The following WDR25 variants were observed in gnomAD, a reference collection of about 807,000 sequenced individuals.
WDR25 encodes the protein WD repeat-containing protein 25.
In WDR25, 35 loss-of-function variants were observed where a neutral mutation model predicts 47.7. The observed-to-expected ratio is 0.73, with a 90% confidence interval of 0.56 to 0.97. WDR25 has a LOEUF of 0.97. Ranked by LOEUF, WDR25 falls within the 50% of genes least tolerant of loss-of-function variation. WDR25 has a pLI of 0.00. For missense variants in WDR25, 634 were observed against 704.7 expected, an observed-to-expected ratio of 0.90 and a Z score of 1.14; for synonymous variants, 248 against 278.9, an observed-to-expected ratio of 0.89 and a Z score of 1.10.
chr14:100,417,478 A>G (rs1897901361), intron 2 of WDR25, among the ~76,000 whole-genome samples: 2 of 152,108 alleles, frequency 1.3e-5, no homozygotes, highest in South Asian at 2.1e-4. Context: ...AACCCCCACC[A>G]TCCTGTTAAG....
At position 100,381,570 on chromosome 14, in the gene WDR25, G is replaced by A; in HGVS notation, c.646G>A (p.Gly216Arg). 6 of 1,609,812 alleles carry A rather than the reference G, an allele frequency of 3.7e-6. No individual in the cohort carries two copies. Among genetic ancestry groups the A allele is most frequent in the Non-Finnish European group, 5.1e-6 (6 of 1,177,062 alleles). ...RAPAPLYVGP[G>R]VSEFIQPYLN... is the part of the protein sequence containing the mutation. Reference sequence around the variant, plus strand: ...CCCAGCCCCTCTCTACGTGGGCCCGGGAGTGTCTGAGTTTATTCAGCCATA... The same window carrying A: ...CCCAGCCCCTCTCTACGTGGGCCCGAGAGTGTCTGAGTTTATTCAGCCATA... Residue 216 changes from glycine to arginine, a missense_variant, in exon 2 of 7, where the codon GGA (glycine) becomes AGA (arginine). Coordinates refer to ENST00000402312, the MANE Select transcript of WDR25 (RefSeq NM_001161476.3).
At chr14:100,526,085 C>T (rs776266797) in intron 5 of WDR25, 45 bp downstream of exon 5, 56 of 1,604,324 alleles carry the variant, frequency 3.5e-5, no homozygotes, top group Non-Finnish European at 4.3e-5. Flanking sequence ...AGCCACAGAG[C>T]GTATCCATGT....
chr14:100,389,536 G>T (rs1897092780), intron 2 of WDR25, among the ~76,000 whole-genome samples: 2 of 152,166 alleles, frequency 1.3e-5, no homozygotes, highest in Non-Finnish European at 2.9e-5. Context: ...AGCAAGCCGG[G>T]GGACAGAAGC....
intron 2 of WDR25, among the ~76,000 whole-genome samples, chr14:100,414,913 A>G (rs1897827900): frequency 6.6e-6 from 1 of 151,852 alleles, no homozygotes; most frequent in African/African-American, 2.4e-5. Context: ...CAAAAAAAAA[A>G]AAAAGAAGAA....
At chr14:100,505,388 C>T (rs910625898) in intron 4 of WDR25, among the ~76,000 whole-genome samples, 3 of 152,166 alleles carry the variant, frequency 2.0e-5, no homozygotes, top group African/African-American at 7.2e-5. Flanking sequence ...GGTGGAAAAT[C>T]AATTTGCCAC....
chr14:100,394,258 G>A (rs1301625353), intron 2 of WDR25, among the ~76,000 whole-genome samples: 1 of 152,170 alleles, frequency 6.6e-6, no homozygotes, highest in African/African-American at 2.4e-5. Context: ...GGTCCCTCTA[G>A]GTGTGGCTTC....
Position 100,424,739 on chromosome 14 carries a change from C to T in WDR25, c.822+42993C>T, listed in dbSNP as rs1033875681. Among the ~76,000 whole-genome samples the T allele has an allele frequency of 2.0e-5, 3 of 152,178 alleles. No homozygotes were observed. The highest frequency in any genetic ancestry group is 4.4e-5 in the Non-Finnish European group (3 of 68,036). On this transcript the variant is annotated intron_variant, in intron 2 of 6. Coordinates refer to ENST00000402312, the MANE Select transcript of WDR25 (RefSeq NM_001161476.3). This position sits in a 1 kb window ranked among gnomAD's most constrained non-coding sequence, Gnocchi z 4.2. ...GGTGGTTAGGCTGATCTCAGGGTTC[C>T]TTTCAGCAGCAGTGGCAGCCGTGAC...
chr14:100,413,018 C>T (rs138321173), intron 2 of WDR25, among the ~76,000 whole-genome samples: 62 of 152,100 alleles, frequency 4.1e-4, no homozygotes, highest in African/African-American at 1.3e-3. Flanking sequence ...TTGGTAGAGA[C>T]GGAGTTTCAC....
At chr14:100,450,472 A>T (rs1898991614) in intron 2 of WDR25, among the ~76,000 whole-genome samples, 1 of 152,200 alleles carries the variant, frequency 6.6e-6, no homozygotes, top group Non-Finnish European at 1.5e-5. Context: ...CTAGACTCTC[A>T]TGAGCTATTT....
At chr14:100,517,133 T>TG (rs56288421) in intron 4 of WDR25, among the ~76,000 whole-genome samples, 1 of 147,946 alleles carries the variant, frequency 6.8e-6, no homozygotes, top group Non-Finnish European at 1.5e-5. Flanking sequence ...TTTTTTTTTT[T>TG]GAGACGGAGT....
In WDR25 at chr14:100,468,487, C is replaced by G. The variant is rs1899718813; in HGVS notation, c.970+319C>G. Among the ~76,000 whole-genome samples, 1 of 152,200 alleles carries G rather than the reference C, an allele frequency of 6.6e-6. No homozygotes were observed. The highest frequency in any genetic ancestry group is 1.5e-5 in the Non-Finnish European group (1 of 68,036). On this transcript the variant is annotated intron_variant, in intron 3 of 6. Coordinates refer to ENST00000402312, the MANE Select transcript of WDR25 (RefSeq NM_001161476.3). The surrounding 1 kb of genome is among the most constrained non-coding windows in gnomAD (Gnocchi z 4.5). ...GCAATTTGTGCTGAAATAGATTTAA[C>G]TTTATCATTGTGTCCTTTGGTTGGA...
chr14:100,432,586 A>G (rs996546540), intron 2 of WDR25, among the ~76,000 whole-genome samples: 3 of 152,272 alleles, frequency 2.0e-5, no homozygotes, highest in African/African-American at 4.8e-5. Context: ...ACATCATTTT[A>G]TAACCCATTC....
chr14:100,412,311 G>A (rs1370347655), intron 2 of WDR25, among the ~76,000 whole-genome samples: 1 of 152,062 alleles, frequency 6.6e-6, no homozygotes, highest in Admixed American at 6.5e-5. Context: ...AGGAAATGGT[G>A]CACGGAAAGT....
At chr14:100,421,362 A>G (rs547360549) in intron 2 of WDR25, among the ~76,000 whole-genome samples, 2 of 152,156 alleles carry the variant, frequency 1.3e-5, no homozygotes, top group Non-Finnish European at 2.9e-5. Flanking sequence ...AGCACTTACC[A>G]TATGCAGCAG....
rs576439825 is a variant in WDR25 at position 100,404,168 on chromosome 14, C to G, written c.822+22422C>G. 2.0e-5 allele frequency among the ~76,000 whole-genome samples: 3 copies of G among 152,322 alleles called. No individual in the cohort carries two copies. Among genetic ancestry groups the G allele is most frequent in the Non-Finnish European group, 2.9e-5 (2 of 68,034 alleles). On this transcript the variant is annotated intron_variant, in intron 2 of 6. Coordinates refer to ENST00000402312, the MANE Select transcript of WDR25 (RefSeq NM_001161476.3). This position sits in a 1 kb window ranked among gnomAD's most constrained non-coding sequence, Gnocchi z 4.6. The stretch of plus-strand genomic sequence containing the variant: ...CCCCATACGCACATGATTGGTCCCC[C>G]TGAAACCTCTGAGGTGCCGATGGCA...
Position 100,414,853 on chromosome 14 carries a change from G to A in WDR25, c.822+33107G>A, listed in dbSNP as rs375247821. On this transcript the variant is annotated intron_variant, in intron 2 of 6. Coordinates refer to ENST00000402312, the MANE Select transcript of WDR25 (RefSeq NM_001161476.3). ...CGGGAGGCGGAGCTTGCAGTGAGCC[G>A]AGATCGCGCCACTGCACTCCAGCCT... Among the ~76,000 whole-genome samples, 12 of 150,930 alleles carry A rather than the reference G, an allele frequency of 8.0e-5. No individual in the cohort carries two copies. In the South Asian group the frequency reaches 1.7e-3, roughly 21 times the overall value.
At chr14:100,429,152 C>T (rs908827676) in intron 2 of WDR25, among the ~76,000 whole-genome samples, 8 of 152,196 alleles carry the variant, frequency 5.3e-5, no homozygotes, top group Admixed American at 3.9e-4. Flanking sequence ...TGTCCTGACT[C>T]CGTGCTCAAA....
chr14:100,390,469 C>T (rs1479379668), intron 2 of WDR25, among the ~76,000 whole-genome samples: 1 of 150,940 alleles, frequency 6.6e-6, no homozygotes, highest in Non-Finnish European at 1.5e-5. Context: ...ACTTTGTTTG[C>T]AGCGGGCCGG....
chr14:100,413,983 C>T lies in WDR25; in HGVS notation c.822+32237C>T, dbSNP rs537067460. 1.7e-3 allele frequency among the ~76,000 whole-genome samples: 252 copies of T among 149,346 alleles called. 1 individual carries two copies. Among genetic ancestry groups the T allele is most frequent in the African/African-American group, 6.1e-3 (242 of 39,962 alleles). On this transcript the variant is annotated intron_variant, in intron 2 of 6. Transcript: ENST00000402312. ...CACATTTGATTTGTTTCTAGTGAGC[C>T]GTTAGAGGTAGTTCATTTTTTTTTT...
Sources: gnomAD v4.1 joint callset for allele counts (sites outside exome capture counted in the v4.1 genomes callset) on GRCh38, gnomAD v4.1.1 for gene constraint, Gnocchi (gnomAD v3.1) non-coding constraint, MANE v1.5 for transcripts, NCBI Gene and HGNC (gene_info 2026-07-23, HGNC 2026-07-21) for gene names.